The following MAP3K13 variants were observed in gnomAD, a reference collection of about 807,000 sequenced individuals.
MAP3K13 encodes leucine zipper-bearing kinase.
A neutral mutation model predicts 104.0 loss-of-function variants in MAP3K13; 52 were observed. The ratio of observed to expected loss-of-function variants is 0.50; its 90% CI spans 0.40 to 0.63. The LOEUF is 0.63. Among genes scored for constraint, MAP3K13 ranks in the 20% least tolerant of loss-of-function variants. The pLI, the probability that MAP3K13 is intolerant of heterozygous loss-of-function variation, is 0.00. For synonymous variants in MAP3K13, 394 were observed against 442.2 expected (o/e 0.89, Z 1.37); for missense variants, 914 against 1,218.5 (o/e 0.75, Z 3.72).
chr3:185,284,732 T>A (rs1031932658), intron 1 of MAP3K13, among the ~76,000 whole-genome samples: 1 of 150,150 alleles, frequency 6.7e-6, no homozygotes, highest in Admixed American at 6.6e-5. Context: ...TAAATAAATA[T>A]AAAATATAAA....
chr3:185,400,428 A>G (rs1712724697), intron 1 of MAP3K13, among the ~76,000 whole-genome samples: 1 of 152,266 alleles, frequency 6.6e-6, no homozygotes, highest in Non-Finnish European at 1.5e-5. Context: ...ACTCCTCTAG[A>G]GCAGGGGTCC....
rs999800525 is a variant in MAP3K13, at chr3:185,411,565, A to G, written c.-85-16932A>G. On this transcript the variant is annotated intron_variant, in intron 1 of 13. Coordinates refer to ENST00000265026, the MANE Select transcript of MAP3K13 (RefSeq NM_004721.5). ...ACAACAGAAAATTCAAATTAAGCAA[A>G]CAAGTACAATAATAAAACAATCATT... Among the ~76,000 whole-genome samples, 4 of 152,222 alleles carry G rather than the reference A, an allele frequency of 2.6e-5. No individual in the cohort carries two copies. In the East Asian group the frequency reaches 7.7e-4, roughly 29 times the overall value.
At chr3:185,447,971 C>T in intron 5 of MAP3K13, 24 bp downstream of exon 5, 1 of 1,591,070 alleles carries the variant, frequency 6.3e-7, no homozygotes, top group Non-Finnish European at 8.6e-7. Flanking sequence ...CCAGTTGTGC[C>T]AACTAAAAAG....
At chr3:185,426,288 G>A (rs1189435433) in intron 1 of MAP3K13, among the ~76,000 whole-genome samples, 4 of 152,078 alleles carry the variant, frequency 2.6e-5, no homozygotes, top group African/African-American at 9.7e-5. Flanking sequence ...CACCATGCTG[G>A]CCAGACTGGT....
At chr3:185,341,092 C>G (rs947234610) in intron 2 of MAP3K13, among the ~76,000 whole-genome samples, 3 of 151,978 alleles carry the variant, frequency 2.0e-5, no homozygotes, top group Non-Finnish European at 2.9e-5. Flanking sequence ...TTCAACACAC[C>G]ACAACACCAA....
chr3:185,363,260 G>A lies in MAP3K13; in HGVS notation c.-194G>A, dbSNP rs1316787519. On this transcript the variant is annotated 5_prime_UTR_variant, in exon 1 of 14. An upstream open reading frame in the 5' UTR gains an earlier in-frame stop. Transcript: ENST00000265026. ...CGGTGGGCTGGAGGATTGTGTGGGT[G>A]GAATCCCCCTCCCCTTTATTTTTCC... 1.0e-6 allele frequency: 1 copy of A among 985,030 alleles called. No homozygotes were observed. Among genetic ancestry groups the A allele is most frequent in the Non-Finnish European group, 1.2e-6 (1 of 829,820 alleles). 61.0% of individuals were successfully genotyped at this position (985,030 alleles called of 1,614,324 possible).
chr3:185,291,531 A>G, intron 2 of MAP3K13: 4 of 1,236,730 alleles, frequency 3.2e-6, no homozygotes, highest in Non-Finnish European at 4.4e-6. Flanking sequence ...TTAATTACTG[A>G]CCCAAAAGTA....
intron 3 of MAP3K13, among the ~76,000 whole-genome samples, chr3:185,438,779 A>G (rs1715176422): frequency 6.6e-6 from 1 of 152,186 alleles, no homozygotes; most frequent in East Asian, 1.9e-4. Context: ...GGCTTAAACA[A>G]ATAAGTGGTA....
rs567249817 is a variant in MAP3K13 at position 185,482,233 on chromosome 3, C to T, written c.2800-122C>T. ...CTCCATAAGTCCCACAAGGACAGGACCTGGTCTCGTTTACCTTTGTAGCCC... is the reference window on the plus strand; with the variant it reads ...CTCCATAAGTCCCACAAGGACAGGATCTGGTCTCGTTTACCTTTGTAGCCC... On this transcript the variant is annotated intron_variant, in intron 13 of 13. Coordinates refer to ENST00000265026, the MANE Select transcript of MAP3K13 (RefSeq NM_004721.5). This position sits in a 1 kb window ranked among gnomAD's most constrained non-coding sequence, Gnocchi z 4.5. The T allele has an allele frequency of 4.6e-5, 32 of 701,408 alleles. No individual in the cohort carries two copies. The East Asian group carries it at 6.9e-4, about 15-fold the overall frequency. The allele number at this position is 701,408 out of a possible 1,614,324, so 43.4% of individuals were successfully genotyped here. A position where few individuals can be genotyped will look rare whatever the true frequency, so the allele number is the denominator to read the frequency against.
At chr3:185,306,629 T>G (rs1053952848) in intron 2 of MAP3K13, among the ~76,000 whole-genome samples, 10 of 152,170 alleles carry the variant, frequency 6.6e-5, no homozygotes, top group Non-Finnish European at 1.0e-4. Flanking sequence ...ATGGGGTTAT[T>G]TGACTTTTGC....
At chr3:185,357,411 G>A (rs573743499) in intron 2 of MAP3K13, among the ~76,000 whole-genome samples, 30 of 133,376 alleles carry the variant, frequency 2.2e-4, no homozygotes, top group African/African-American at 6.8e-4. Flanking sequence ...TCGCGCCATT[G>A]CACTCCAGCC....
chr3:185,344,983 C>A (rs772869464), intron 2 of MAP3K13, among the ~76,000 whole-genome samples: 4 of 152,032 alleles, frequency 2.6e-5, no homozygotes, highest in African/African-American at 4.8e-5. Context: ...CTGCCTCAGC[C>A]TCCCAAGTAG....
At chr3:185,437,749 A>G in intron 3 of MAP3K13, 119 bp downstream of exon 3, 1 of 974,028 alleles carries the variant, frequency 1.0e-6, no homozygotes, top group Non-Finnish European at 1.5e-6. Flanking sequence ...GCACTGTGCT[A>G]GGTGCTTTGG....
At chr3:185,294,171 A>G (rs1720840178) in intron 2 of MAP3K13, among the ~76,000 whole-genome samples, 1 of 152,188 alleles carries the variant, frequency 6.6e-6, no homozygotes, top group African/African-American at 2.4e-5. Context: ...TCTTTCTCTG[A>G]GTAACTAGGT....
At chr3:185,316,157 A>G (rs1025431987) in intron 2 of MAP3K13, among the ~76,000 whole-genome samples, 2 of 152,212 alleles carry the variant, frequency 1.3e-5, no homozygotes, top group African/African-American at 4.8e-5. Context: ...TGTAAAAAAT[A>G]AAAGAAGAGA....
rs868052807 is a variant in MAP3K13, at chr3:185,300,080, A to G, written c.-86+14437A>G. 6.8e-4 allele frequency among the ~76,000 whole-genome samples: 104 copies of G among 152,286 alleles called. No homozygotes were observed. The Middle Eastern group carries it at 0.01, about 15-fold the overall frequency. On this transcript the variant is annotated intron_variant, in intron 2 of 14. Coordinates refer to the MAP3K13 transcript ENST00000424227. ...AGTTTGACTATTTTTGATACTTCAC[A>G]TAAGTGGAATCATGCAATATTTTTC...
At chr3:185,460,313 ATTT>A (rs1433170707) in intron 7 of MAP3K13, among the ~76,000 whole-genome samples, 1 of 151,930 alleles carries the variant, frequency 6.6e-6, no homozygotes, top group Non-Finnish European at 1.5e-5. Flanking sequence ...TTTTTATTTT[ATTT>A]TTTTATTTTT....
intron 1 of MAP3K13, among the ~76,000 whole-genome samples, chr3:185,403,529 G>A (rs1406701141): frequency 2.0e-5 from 3 of 152,152 alleles, no homozygotes; most frequent in Non-Finnish European, 2.9e-5. Context: ...AAGATATGGT[G>A]AGGTGATGGA....
chr3:185,325,713 T>C (rs1404756060), intron 2 of MAP3K13, among the ~76,000 whole-genome samples: 6 of 152,210 alleles, frequency 3.9e-5, no homozygotes, highest in Non-Finnish European at 8.8e-5. Context: ...AAGTGTTCCC[T>C]TGTCAATCAC....
Sources: allele counts gnomAD v4.1 joint callset (sites outside exome capture counted in the v4.1 genomes callset), GRCh38; gene constraint gnomAD v4.1.1; non-coding constraint Gnocchi (gnomAD v3.1); transcripts MANE v1.5; gene names NCBI Gene and HGNC (gene_info 2026-07-23, HGNC 2026-07-21).